Variants in CD2AP observed in about 807,000 individuals in gnomAD.
CD2AP encodes the protein CD2-associated protein.
In CD2AP, 46 loss-of-function variants were observed where a neutral mutation model predicts 85.1. The observed-to-expected ratio is 0.54, with a 90% CI of 0.43 to 0.69. CD2AP has a LOEUF of 0.69. Ranked by LOEUF, CD2AP falls within the 30% of genes least tolerant of loss-of-function variation. The probability of loss-of-function intolerance (pLI) is 0.00; values close to 1 mark genes in which losing one functional copy is unlikely to be tolerated. For synonymous variants in CD2AP, 255 were observed against 252.9 expected (o/e 1.01, Z -0.08); for missense variants, 769 against 729.5 (o/e 1.05, Z -0.62).
chr6:47,580,444 T>C (rs923872838), intron 9 of CD2AP, among the ~76,000 whole-genome samples: 1 of 127,770 alleles, frequency 7.8e-6, no homozygotes, highest in Non-Finnish European at 1.7e-5. Context: ...TACTCTGTTT[T>C]TAAAAACCAA....
chr6:47,618,556 T>A (rs1769660634), intron 17 of CD2AP, among the ~76,000 whole-genome samples: 1 of 152,182 alleles, frequency 6.6e-6, no homozygotes, highest in Non-Finnish European at 1.5e-5. Context: ...AAAGTGTACA[T>A]GTTAAAAATA....
At chr6:47,567,154 T>C (rs544446663) in intron 5 of CD2AP, among the ~76,000 whole-genome samples, 1 of 152,208 alleles carries the variant, frequency 6.6e-6, no homozygotes, top group African/African-American at 2.4e-5. Context: ...TTTTCACTAT[T>C]GTAGTCCATT....
intron 1 of CD2AP, among the ~76,000 whole-genome samples, chr6:47,486,203 G>A (rs748235155): frequency 9.2e-5 from 14 of 152,072 alleles, no homozygotes; most frequent in African/African-American, 1.4e-4. Flanking sequence ...TAAAAGTTTT[G>A]GTGCCTTGAG....
intron 3 of CD2AP, among the ~76,000 whole-genome samples, chr6:47,537,542 T>TA: frequency 6.6e-6 from 1 of 152,318 alleles, no homozygotes; most frequent in South Asian, 2.1e-4. Context: ...CATATGCTGT[T>TA]AACATTTTCT....
At chr6:47,518,729 A>T (rs915361726) in intron 2 of CD2AP, among the ~76,000 whole-genome samples, 1 of 152,242 alleles carries the variant, frequency 6.6e-6, no homozygotes, top group Non-Finnish European at 1.5e-5. Flanking sequence ...GTCCCATTTC[A>T]CATTTCACAT....
intron 1 of CD2AP, among the ~76,000 whole-genome samples, chr6:47,490,652 TTTTG>T (rs925678088): frequency 1.4e-4 from 21 of 152,158 alleles, no homozygotes; most frequent in Non-Finnish European, 2.9e-4. Context: ...TAAAAATCTT[TTTTG>T]TTTTTTAAAC....
At chr6:47,566,323 T>TATATACATATATATATATATATACACAC in intron 5 of CD2AP, among the ~76,000 whole-genome samples, 1 of 108,388 alleles carries the variant, frequency 9.2e-6, no homozygotes, top group African/African-American at 2.9e-5. Flanking sequence ...TATATATATA[T>TATATACATATATATATATATATACACAC]ACACATACAC....
chr6:47,484,998 C>A (rs1045543686), intron 1 of CD2AP, among the ~76,000 whole-genome samples: 1 of 152,138 alleles, frequency 6.6e-6, no homozygotes, highest in Non-Finnish European at 1.5e-5. Context: ...AGTAGTGCAA[C>A]GCGTTACTCA....
At chr6:47,497,558 G>C (rs551412707) in intron 1 of CD2AP, among the ~76,000 whole-genome samples, 66 of 151,980 alleles carry the variant, frequency 4.3e-4, no homozygotes, top group Non-Finnish European at 6.6e-4. Flanking sequence ...CTGTAGGTGC[G>C]TTATCATTAC....
chr6:47,550,567 G>C (rs1767489873), intron 4 of CD2AP, among the ~76,000 whole-genome samples: 1 of 151,990 alleles, frequency 6.6e-6, no homozygotes, highest in Admixed American at 6.6e-5. Flanking sequence ...GGTGAACAGG[G>C]AACAGTTCTA....
intron 2 of CD2AP, among the ~76,000 whole-genome samples, chr6:47,507,698 G>A (rs887864574): frequency 4.6e-5 from 7 of 152,144 alleles, no homozygotes; most frequent in African/African-American, 1.7e-4. Context: ...GCCCGCCTTG[G>A]CCTCAGAAAA....
chr6:47,487,667 G>T (rs1765596515), intron 1 of CD2AP, among the ~76,000 whole-genome samples: 1 of 151,832 alleles, frequency 6.6e-6, no homozygotes. Context: ...TCCAGCCTGG[G>T]TGACAGAGCG....
At chr6:47,548,594 A>T (rs1767431644) in intron 4 of CD2AP, among the ~76,000 whole-genome samples, 3 of 152,168 alleles carry the variant, frequency 2.0e-5, no homozygotes, top group African/African-American at 4.8e-5. Flanking sequence ...AAGATCCAGG[A>T]CCAGACGAAT....
intron 2 of CD2AP, among the ~76,000 whole-genome samples, chr6:47,513,048 T>A (rs2113995734): frequency 1.3e-5 from 2 of 152,310 alleles, no homozygotes; most frequent in Middle Eastern, 3.4e-3. Context: ...TGTGTTAGTT[T>A]ATTTTCTAGG....
intron 13 of CD2AP, among the ~76,000 whole-genome samples, chr6:47,599,854 A>G (rs1484940345): frequency 6.6e-6 from 1 of 152,050 alleles, no homozygotes; most frequent in Non-Finnish European, 1.5e-5. Context: ...CTCTTAATCT[A>G]GAGATACTTT....
At chr6:47,487,935 A>T (rs770278392) in intron 1 of CD2AP, among the ~76,000 whole-genome samples, 2 of 152,184 alleles carry the variant, frequency 1.3e-5, no homozygotes, top group Non-Finnish European at 2.9e-5. Flanking sequence ...TAACAATACA[A>T]AATTTAAATA....
intron 5 of CD2AP, among the ~76,000 whole-genome samples, chr6:47,556,218 AC>A (rs1424703463): frequency 2.7e-5 from 1 of 37,662 alleles, no homozygotes; most frequent in African/African-American, 1.1e-4. Flanking sequence ...CGCCCCCCTC[AC>A]CCCCCTCCCC....
At chr6:47,543,148 CAAAAAAAAAAAA>C (rs11338409) in intron 3 of CD2AP, among the ~76,000 whole-genome samples, 2 of 60,322 alleles carry the variant, frequency 3.3e-5, no homozygotes, top group Non-Finnish European at 5.8e-5. Flanking sequence ...AAGACTGTCT[CAAAAAAAAAAAA>C]AAAAAAAAAA....
At chr6:47,532,720 T>C (rs1766921450) in intron 2 of CD2AP, among the ~76,000 whole-genome samples, 2 of 152,214 alleles carry the variant, frequency 1.3e-5, no homozygotes, top group African/African-American at 4.8e-5. Context: ...TGAAGTATTT[T>C]CACTGTTCTT....
Sources: gnomAD v4.1 joint callset for allele counts (sites outside exome capture counted in the v4.1 genomes callset) on GRCh38, gnomAD v4.1.1 for gene constraint, MANE v1.5 for transcripts, NCBI Gene and HGNC (gene_info 2026-07-23, HGNC 2026-07-21) for gene names.